The following LYN variants were observed in gnomAD, a reference collection of about 807,000 sequenced individuals.
The protein encoded by LYN is tyrosine-protein kinase Lyn.
Under a neutral mutation model 65.0 loss-of-function variants are expected in LYN, and 12 were observed. The observed-to-expected ratio is 0.18, with a 90% CI of 0.12 to 0.30. The LOEUF (loss-of-function observed/expected upper bound fraction) is 0.30, where lower values mean the gene tolerates loss of function less well. LYN is among the 10% of genes least tolerant of loss of function. The probability of loss-of-function intolerance (pLI) is 1.00; values close to 1 mark genes in which losing one functional copy is unlikely to be tolerated. For synonymous variants in LYN, 222 were observed against 221.2 expected (o/e 1.00, Z -0.03); for missense variants, 380 against 623.2 (o/e 0.61, Z 4.16).
At chr8:55,937,112 T>C (rs1806458545) in intron 1 of LYN, among the ~76,000 whole-genome samples, 1 of 152,236 alleles carries the variant, frequency 6.6e-6, no homozygotes. Flanking sequence ...CCATAGTCCT[T>C]ACTTCAGAAT....
At chr8:55,941,681 G>C (rs182865857) in intron 1 of LYN, among the ~76,000 whole-genome samples, 174 bp from the exon 2 acceptor site, 2 of 152,272 alleles carry the variant, frequency 1.3e-5, no homozygotes, top group East Asian at 3.9e-4. Context: ...TTTGTTGAGT[G>C]AATCAATGGA....
At chr8:56,003,868 TTGA>T (rs1338587040) in intron 12 of LYN, among the ~76,000 whole-genome samples, 3 of 151,808 alleles carry the variant, frequency 2.0e-5, no homozygotes, top group African/African-American at 7.2e-5. Flanking sequence ...AATTTTCTTC[TTGA>T]TGAATTTCTG....
rs888247888 is a variant in LYN, at chr8:55,998,053, C to T, written c.1051-293C>T. Among the ~76,000 whole-genome samples the T allele has an allele frequency of 4.6e-5, 7 of 151,312 alleles. No individual in the cohort carries two copies. In the South Asian group the frequency reaches 6.3e-4, roughly 14 times the overall value. On this transcript the variant is annotated intron_variant, in intron 10 of 12. Transcript: ENST00000519728. ...GAGCCAAGATAGCGCCACTGCACTCCGGCCTGGGTGAAAGAGCGAGACTCC... is the reference window on the plus strand; with the variant it reads ...GAGCCAAGATAGCGCCACTGCACTCTGGCCTGGGTGAAAGAGCGAGACTCC...
intron 1 of LYN, among the ~76,000 whole-genome samples, chr8:55,898,254 C>A (rs543536822): frequency 4.6e-5 from 7 of 151,924 alleles, no homozygotes; most frequent in Non-Finnish European, 1.0e-4. Flanking sequence ...TGTATGTGAT[C>A]GTTTTATTGT....
intron 1 of LYN, among the ~76,000 whole-genome samples, chr8:55,905,991 A>G (rs117197109): frequency 0.012 from 1,866 of 152,362 alleles, 16 homozygotes; most frequent in Middle Eastern, 0.031. Context: ...ATAGTTCTAC[A>G]TAACTCACAG....
At chr8:55,976,332 A>G (rs1420674576) in intron 10 of LYN, among the ~76,000 whole-genome samples, 2 of 151,638 alleles carry the variant, frequency 1.3e-5, no homozygotes, top group African/African-American at 4.8e-5. Flanking sequence ...ATCTCAAAAA[A>G]AAAAAAAAAA....
chr8:55,897,375 CTT>C (rs1430269415), intron 1 of LYN, among the ~76,000 whole-genome samples: 2 of 152,160 alleles, frequency 1.3e-5, no homozygotes, highest in Non-Finnish European at 2.9e-5. Context: ...TTTACCAAGA[CTT>C]GAGATCAGGA....
At chr8:55,960,431 A>G (rs1282355553) in intron 8 of LYN, among the ~76,000 whole-genome samples, 1 of 152,182 alleles carries the variant, frequency 6.6e-6, no homozygotes, top group Admixed American at 6.5e-5. Flanking sequence ...TTGACTTGGG[A>G]TCTTTTGCTT....
At chr8:55,943,988 C>T (rs1006304598) in intron 2 of LYN, among the ~76,000 whole-genome samples, 4 of 151,926 alleles carry the variant, frequency 2.6e-5, no homozygotes, top group African/African-American at 9.7e-5. Context: ...GAGGCTGAGG[C>T]AGGAGAATTG....
intron 10 of LYN, among the ~76,000 whole-genome samples, chr8:55,993,475 T>C (rs1260268887): frequency 2.0e-5 from 3 of 152,260 alleles, no homozygotes; most frequent in African/African-American, 7.2e-5. Context: ...AGCTCTCTTG[T>C]GGGTCTGACA....
chr8:55,968,113 G>A (rs117396805), intron 9 of LYN, among the ~76,000 whole-genome samples: 1,732 of 152,178 alleles, frequency 0.011, 30 homozygotes, highest in African/African-American at 0.035. Context: ...TTGTGGCTTG[G>A]GTTGCCATAT....
At position 55,880,049 on chromosome 8, in the gene LYN, T is replaced by C; in HGVS notation, c.-60T>C. The C allele has an allele frequency of 3.2e-6, 1 of 314,702 alleles. No individual in the cohort carries two copies. Among genetic ancestry groups the C allele is most frequent in the Non-Finnish European group, 6.4e-6 (1 of 155,098 alleles). 19.5% of individuals were successfully genotyped at this position (314,702 alleles called of 1,614,324 possible). A position where few individuals can be genotyped will look rare whatever the true frequency, so the allele number is the denominator to read the frequency against. On this transcript the variant is annotated 5_prime_UTR_variant, in exon 1 of 13. Coordinates refer to ENST00000519728, the MANE Select transcript of LYN (RefSeq NM_002350.4). The stretch of plus-strand genomic sequence containing the variant: ...TGGGCCGCCCCGTCGCGCCCCCCAC[T>C]CTGAACTCAAGTCACCGTGGAGCTC...
At chr8:55,953,655 AG>A (rs1807016540) in intron 7 of LYN, among the ~76,000 whole-genome samples, 176 bp from the exon 8 acceptor site, 1 of 152,170 alleles carries the variant, frequency 6.6e-6, no homozygotes, top group South Asian at 2.1e-4. Flanking sequence ...CTCAAAAAAA[AG>A]AAAAACAAAA....
intron 1 of LYN, 91 bp from the exon 2 acceptor site, chr8:55,941,763 AT>A: frequency 3.4e-6 from 3 of 870,772 alleles, no homozygotes; most frequent in Non-Finnish European, 3.6e-6. Context: ...ATAAAAGTAT[AT>A]TTTTTCTACT....
rs1585693184 is a variant in LYN at position 56,012,890 on chromosome 8, C to G, written c.*2780C>G. ...GAGAAGGAAGGAGGAAAAAAACGTG[C>G]CTTCCTTCCTGGTGAACATGAAGCT... is the stretch of plus-strand genomic sequence containing the variant. On this transcript the variant is annotated 3_prime_UTR_variant, in exon 13 of 13. Coordinates refer to ENST00000519728, the MANE Select transcript of LYN (RefSeq NM_002350.4). The G allele has an allele frequency of 6.6e-6, 1 of 152,318 alleles. No homozygotes were observed. The highest frequency in any genetic ancestry group is 1.9e-4 in the East Asian group (1 of 5,188). The allele number at this position is 152,318 out of a possible 1,614,324, so 9.4% of individuals were successfully genotyped here. A position where few individuals can be genotyped will look rare whatever the true frequency, so the allele number is the denominator to read the frequency against.
intron 1 of LYN, among the ~76,000 whole-genome samples, chr8:55,891,168 C>T (rs1221653072): frequency 6.6e-6 from 1 of 151,974 alleles, no homozygotes; most frequent in East Asian, 1.9e-4. Flanking sequence ...GCCTGACCAA[C>T]ATGGAGAAAC....
At chr8:55,902,273 G>T (rs1805286496) in intron 1 of LYN, among the ~76,000 whole-genome samples, 1 of 151,802 alleles carries the variant, frequency 6.6e-6, no homozygotes, top group African/African-American at 2.4e-5. Context: ...CTCCCAAAGT[G>T]CTGGGATGAT....
chr8:55,998,085 AG>A (rs1323966083), intron 10 of LYN, among the ~76,000 whole-genome samples: 3 of 152,108 alleles, frequency 2.0e-5, no homozygotes, highest in Non-Finnish European at 2.9e-5. Context: ...CTCCGTCTCA[AG>A]AAAAAAAAAG....
At chr8:55,885,923 C>A (rs558331179) in intron 1 of LYN, among the ~76,000 whole-genome samples, 1 of 151,988 alleles carries the variant, frequency 6.6e-6, no homozygotes, top group Non-Finnish European at 1.5e-5. Flanking sequence ...CCTCTGCTGC[C>A]CTCTGCATTT....
Sources: gnomAD v4.1 joint callset for allele counts (sites outside exome capture counted in the v4.1 genomes callset) on GRCh38, gnomAD v4.1.1 for gene constraint, MANE v1.5 for transcripts, NCBI Gene and HGNC (gene_info 2026-07-23, HGNC 2026-07-21) for gene names.